The following C18orf63 variants were observed in gnomAD, a reference collection of about 807,000 sequenced individuals.
C18orf63 encodes the protein uncharacterized protein C18orf63.
In C18orf63, 50 loss-of-function variants were observed where a neutral mutation model predicts 75.3. The observed-to-expected ratio is 0.66, with a 90% confidence interval of 0.53 to 0.84. C18orf63 has a LOEUF of 0.84. Among genes scored for constraint, C18orf63 ranks in the 40% least tolerant of loss-of-function variants. The pLI is 0.00. For missense variants in C18orf63, 732 were observed against 800.2 expected, an observed-to-expected ratio of 0.91 and a Z score of 1.03; for synonymous variants, 232 against 267.6, an observed-to-expected ratio of 0.87 and a Z score of 1.30.
intron 2 of C18orf63, among the ~76,000 whole-genome samples, chr18:74,320,111 A>G (rs1362396153): frequency 1.3e-5 from 2 of 152,212 alleles, no homozygotes; most frequent in South Asian, 2.1e-4. Context: ...TAGTGAGTGT[A>G]TTAGTCTGTT....
At chr18:74,319,992 G>A (rs1169305223) in intron 2 of C18orf63, among the ~76,000 whole-genome samples, 1 of 152,178 alleles carries the variant, frequency 6.6e-6, no homozygotes, top group East Asian at 1.9e-4. Context: ...ACTGTTCAAG[G>A]TGCTATGCAA....
At chr18:74,350,064 T>C (rs972498568) in intron 11 of C18orf63, among the ~76,000 whole-genome samples, 13 of 152,160 alleles carry the variant, frequency 8.5e-5, no homozygotes, top group African/African-American at 3.1e-4. Flanking sequence ...AGCATAGAGA[T>C]TGGCTGTGGG....
rs1447667357 is a variant in C18orf63, at chr18:74,328,175, A to G, written c.382+117A>G. On this transcript the variant is annotated intron_variant, in intron 5 of 13. Transcript: ENST00000579455. ...ATACTGGAGACTGGAAAATTTATAA[A>G]GGAAAGGTTTAGTGGATTCACAGTT... The G allele has an allele frequency of 7.8e-6, 5 of 643,690 alleles. No homozygotes were observed. The Admixed American group carries it at 8.0e-5, about 10-fold the overall frequency. 39.9% of individuals were successfully genotyped at this position (643,690 alleles called of 1,614,324 possible).
At chr18:74,346,812 C>T (rs1984582815) in intron 11 of C18orf63, among the ~76,000 whole-genome samples, 1 of 152,188 alleles carries the variant, frequency 6.6e-6, no homozygotes, top group Non-Finnish European at 1.5e-5. Context: ...ATTTATCCTA[C>T]TCAATTCTAT....
At chr18:74,334,679 A>T (rs540199803) in intron 7 of C18orf63, among the ~76,000 whole-genome samples, 1 of 152,212 alleles carries the variant, frequency 6.6e-6, no homozygotes, top group Non-Finnish European at 1.5e-5. Context: ...TGAAGAGGTG[A>T]GAAGGAGGAT....
intron 10 of C18orf63, among the ~76,000 whole-genome samples, chr18:74,342,905 G>T (rs182028068): frequency 6.6e-6 from 1 of 152,092 alleles, no homozygotes; most frequent in African/African-American, 2.4e-5. Context: ...CTTCTGACCT[G>T]CTGGAGTTTA....
In C18orf63 at chr18:74,317,829, TA is replaced by T; in HGVS notation, c.-32-2del. 1 of 1,489,716 alleles carries T rather than the reference TA, an allele frequency of 6.7e-7. No homozygotes were observed. The highest frequency in any genetic ancestry group is 8.9e-7 in the Non-Finnish European group (1 of 1,122,040). The allele number at this position is 1,489,716 out of a possible 1,614,324, so 92.3% of individuals were successfully genotyped here. A position where few individuals can be genotyped will look rare whatever the true frequency, so the allele number is the denominator to read the frequency against. On this transcript the variant is annotated splice_polypyrimidine_tract_variant and splice_region_variant and intron_variant, in intron 1 of 13. Coordinates refer to ENST00000579455, the MANE Select transcript of C18orf63 (RefSeq NM_001174123.2). ...ACTACCTTTTTTTGCTGTTTATTTT[TA>T]AAGGCCTGATTGCTGAGACACTCAG...
rs138413246 is a variant in C18orf63, at chr18:74,358,228, A to G, written c.*1781A>G. 16 of 152,256 alleles carry G rather than the reference A, an allele frequency of 1.1e-4. No individual in the cohort carries two copies. The highest frequency in any genetic ancestry group is 3.9e-4 in the African/African-American group (16 of 41,534). 9.4% of individuals were successfully genotyped at this position (152,256 alleles called of 1,614,324 possible). A position where few individuals can be genotyped will look rare whatever the true frequency, so the allele number is the denominator to read the frequency against. ...CATTAGTGTCTAAAATTTAGAATAT[A>G]TAGTATAGTACTTGAGTTTAGATCA... On this transcript the variant is annotated 3_prime_UTR_variant, in exon 14 of 14. Coordinates refer to ENST00000579455, the MANE Select transcript of C18orf63 (RefSeq NM_001174123.2).
In C18orf63 at chr18:74,337,741, C is replaced by T. The variant is rs572544049; in HGVS notation, c.502-974C>T. Among the ~76,000 whole-genome samples, 5 of 152,240 alleles carry T rather than the reference C, an allele frequency of 3.3e-5. No homozygotes were observed. The East Asian group carries it at 9.6e-4, about 29-fold the overall frequency. ...TTACCTCACAACGTAACTAGCATAT[C>T]TTATCTTCCTCTTCCTGCATTCATG... On this transcript the variant is annotated intron_variant, in intron 7 of 13. Coordinates refer to ENST00000579455, the MANE Select transcript of C18orf63 (RefSeq NM_001174123.2).
chr18:74,358,871 A>G lies in C18orf63; in HGVS notation c.*2424A>G, dbSNP rs1021313631. ...CTATATTTGTTTTTATTTTTATTAT[A>G]TATCATAATTACACATTTTTATTTG... On this transcript the variant is annotated 3_prime_UTR_variant, in exon 14 of 14. Coordinates refer to ENST00000579455, the MANE Select transcript of C18orf63 (RefSeq NM_001174123.2). The G allele has an allele frequency of 5.9e-5, 9 of 152,056 alleles. No homozygotes were observed. In the South Asian group the frequency reaches 6.2e-4, roughly 10 times the overall value. 9.4% of individuals were successfully genotyped at this position (152,056 alleles called of 1,614,324 possible). A position where few individuals can be genotyped will look rare whatever the true frequency, so the allele number is the denominator to read the frequency against.
At chr18:74,331,284 G>T (rs1426886998) in intron 7 of C18orf63, among the ~76,000 whole-genome samples, 1 of 152,106 alleles carries the variant, frequency 6.6e-6, no homozygotes, top group Non-Finnish European at 1.5e-5. Context: ...CATGATTTCA[G>T]CTCTTACTAA....
In C18orf63 at chr18:74,357,065, C is replaced by CGA. The variant is rs1984779359; in HGVS notation, c.*618_*619insGA. On this transcript the variant is annotated 3_prime_UTR_variant, in exon 14 of 14. Transcript: ENST00000579455. Reference sequence around the variant, plus strand: ...CATTTTGGGGATCTCTACTATATCTCTGCAGGCTCACTAAATTTCACTTTT... The same window carrying CGA: ...CATTTTGGGGATCTCTACTATATCTCGATGCAGGCTCACTAAATTTCACTTTT... 2 of 152,144 alleles carry CGA rather than the reference C, an allele frequency of 1.3e-5. No homozygotes were observed. Among genetic ancestry groups the CGA allele is most frequent in the Admixed American group, 1.3e-4 (2 of 15,268 alleles). 9.4% of individuals were successfully genotyped at this position (152,144 alleles called of 1,614,324 possible).
chr18:74,329,081 T>C, intron 6 of C18orf63, 45 bp downstream of exon 6: 7 of 1,236,400 alleles, frequency 5.7e-6, no homozygotes, highest in Non-Finnish European at 8.0e-6. Flanking sequence ...ATATAATTCA[T>C]AGTTGCTAAA....
chr18:74,353,772 A>G lies in C18orf63; in HGVS notation c.1505A>G (p.Asn502Ser), dbSNP rs1279900478. 2.0e-6 allele frequency: 3 copies of G among 1,535,870 alleles called. No individual in the cohort carries two copies. The African/African-American group carries it at 4.1e-5, about 21-fold the overall frequency. Residue 502 changes from asparagine to serine, a missense_variant, in exon 12 of 14, where the codon AAT (asparagine) becomes AGT (serine). Around this residue, in one of 3 missense-constraint regions of C18orf63, gnomAD observed 495 missense variants for 508.7 expected, o/e 0.97. Coordinates refer to ENST00000579455, the MANE Select transcript of C18orf63 (RefSeq NM_001174123.2). ...AACATTCAGATGCAGGCTGCTAACA[A>G]TTTAAATCAGGAGAATTCCAGACCT... ...SSNIQMQAANNLNQENSRPLQ... is the reference protein window; with the variant it reads ...SSNIQMQAANSLNQENSRPLQ...
In C18orf63 at chr18:74,355,257, A is replaced by C. The variant is rs1479660130; in HGVS notation, c.*33+711A>C. Among the ~76,000 whole-genome samples the C allele has an allele frequency of 3.9e-5, 6 of 152,208 alleles. No individual in the cohort carries two copies. In the East Asian group the frequency reaches 1.2e-3, roughly 29 times the overall value. On this transcript the variant is annotated intron_variant, in intron 13 of 13. Transcript: ENST00000579455. ...ATTTTCAGCCTGATTTTAATTAACCAGAAAGTATTTGAGTCTATTCCTATA... is the reference window on the plus strand; with the variant it reads ...ATTTTCAGCCTGATTTTAATTAACCCGAAAGTATTTGAGTCTATTCCTATA...
At chr18:74,330,501 C>T (rs1220578327) in intron 6 of C18orf63, among the ~76,000 whole-genome samples, 2 of 151,992 alleles carry the variant, frequency 1.3e-5, no homozygotes, top group Non-Finnish European at 2.9e-5. Flanking sequence ...TGGTGTGATA[C>T]CTCTTTAGAT....
chr18:74,353,651 G>A lies in C18orf63; in HGVS notation c.1384G>A (p.Asp462Asn), dbSNP rs1400207260. Residue 462 changes from aspartate to asparagine, a missense_variant, in exon 12 of 14, where the codon GAT (aspartate) becomes AAT (asparagine). Asp to Asn is a conservative substitution (Grantham distance 23, BLOSUM62 1). Around this residue, in one of 3 missense-constraint regions of C18orf63, gnomAD observed 495 missense variants for 508.7 expected, o/e 0.97. Coordinates refer to ENST00000579455, the MANE Select transcript of C18orf63 (RefSeq NM_001174123.2). ...TGGCAGCCCAAAAAGAAAACAGCAT[G>A]ATGTGACACAATCTAAATTGTTTTC... ...VLGSPKRKQHDVTQSKLFSLK... is the reference protein window; with the variant it reads ...VLGSPKRKQHNVTQSKLFSLK... The A allele has an allele frequency of 2.0e-6, 3 of 1,536,018 alleles. No homozygotes were observed. Among genetic ancestry groups the A allele is most frequent in the Admixed American group, 3.9e-5 (2 of 50,970 alleles).
chr18:74,326,658 A>G (rs1984213320), intron 4 of C18orf63, among the ~76,000 whole-genome samples: 1 of 152,174 alleles, frequency 6.6e-6, no homozygotes, highest in Admixed American at 6.5e-5. Context: ...GGGAAATCCT[A>G]GGACTTATCT....
chr18:74,344,587 G>T (rs1599007970), intron 11 of C18orf63, among the ~76,000 whole-genome samples: 1 of 151,968 alleles, frequency 6.6e-6, no homozygotes, highest in East Asian at 1.9e-4. Context: ...ATTATTCCTT[G>T]TTTCGTTTTT....
Sources: allele counts gnomAD v4.1 joint callset (sites outside exome capture counted in the v4.1 genomes callset), GRCh38; gene constraint gnomAD v4.1.1; regional missense constraint gnomAD v4.1.1; transcripts MANE v1.5; gene names NCBI Gene and HGNC (gene_info 2026-07-23, HGNC 2026-07-21).